Variants in DTWD2 observed in about 807,000 individuals in gnomAD.
DTWD2 encodes the protein tRNA-uridine aminocarboxypropyltransferase 2.
A neutral mutation model predicts 31.8 loss-of-function variants in DTWD2; 39 were observed. That is an observed-to-expected ratio of 1.22 (90% CI 0.95 to 1.60). DTWD2 has a LOEUF of 1.60. Among genes scored for constraint, DTWD2 ranks in the 40% most tolerant of loss-of-function variants. The pLI is 0.00. For missense variants in DTWD2, 515 were observed against 381.5 expected (o/e 1.35, Z -2.92); for synonymous variants, 180 against 142.8 (o/e 1.26, Z -1.86).
At chr5:118,851,330 G>T (rs1166354388) in intron 4 of DTWD2, among the ~76,000 whole-genome samples, 3 of 151,500 alleles carry the variant, frequency 2.0e-5, no homozygotes, top group African/African-American at 7.3e-5. Flanking sequence ...GAGAAATAAA[G>T]AGAAAGAGTA....
intron 1 of DTWD2, among the ~76,000 whole-genome samples, chr5:118,956,468 A>G (rs1754589652): frequency 6.6e-6 from 1 of 152,238 alleles, no homozygotes; most frequent in Non-Finnish European, 1.5e-5. Context: ...GCTGTAATAC[A>G]AAGGTAATGT....
At chr5:118,892,866 T>G (rs1029898436) in intron 4 of DTWD2, among the ~76,000 whole-genome samples, 1 of 152,114 alleles carries the variant, frequency 6.6e-6, no homozygotes. Context: ...GGGCAAACAT[T>G]AGAAACAATC....
chr5:118,912,572 T>C (rs1487079596), intron 4 of DTWD2, among the ~76,000 whole-genome samples: 1 of 152,212 alleles, frequency 6.6e-6, no homozygotes. Flanking sequence ...TGTTTTACTC[T>C]ACTGGAATGT....
At position 118,956,979 on chromosome 5, in the gene DTWD2, T is replaced by C. The variant is rs533693791; in HGVS notation, c.219-12330A>G. Reference sequence around the variant, plus strand: ...TAACGTGATCTGTAAGATAAAGTCATTGTCAGATTTCTGAAACTATATATC... The same window carrying C: ...TAACGTGATCTGTAAGATAAAGTCACTGTCAGATTTCTGAAACTATATATC... On this transcript the variant is annotated intron_variant, in intron 1 of 5. Transcript: ENST00000510708. Among the ~76,000 whole-genome samples the C allele has an allele frequency of 2.0e-5, 3 of 152,224 alleles. No individual in the cohort carries two copies. In the South Asian group the frequency reaches 6.2e-4, roughly 32 times the overall value.
At chr5:118,869,175 A>G (rs1752446984) in intron 4 of DTWD2, among the ~76,000 whole-genome samples, 1 of 152,164 alleles carries the variant, frequency 6.6e-6, no homozygotes, top group Non-Finnish European at 1.5e-5. Context: ...ATTCCACCGA[A>G]CTATATATTT....
chr5:118,921,235 T>C (rs955351306), intron 4 of DTWD2, among the ~76,000 whole-genome samples: 5 of 152,098 alleles, frequency 3.3e-5, no homozygotes, highest in Non-Finnish European at 7.4e-5. Context: ...AACAAAATTA[T>C]GAATAATATG....
chr5:118,927,282 A>G (rs1025219883), intron 4 of DTWD2, among the ~76,000 whole-genome samples: 2 of 152,212 alleles, frequency 1.3e-5, no homozygotes, highest in South Asian at 2.1e-4. Context: ...AGGGAACACA[A>G]TTCAGTCTAC....
chr5:118,980,383 C>T (rs1423061166), intron 1 of DTWD2, among the ~76,000 whole-genome samples: 1 of 152,180 alleles, frequency 6.6e-6, no homozygotes, highest in African/African-American at 2.4e-5. Context: ...GCTCATACTC[C>T]CTGTTGTGCC....
intron 3 of DTWD2, among the ~76,000 whole-genome samples, chr5:118,934,706 A>G (rs976487977): frequency 8.5e-5 from 13 of 152,158 alleles, no homozygotes; most frequent in African/African-American, 3.1e-4. Context: ...TATGGTATTC[A>G]CTGGTAATGT....
intron 1 of DTWD2, among the ~76,000 whole-genome samples, chr5:118,950,332 C>T (rs765375941): frequency 3.7e-4 from 56 of 151,202 alleles, no homozygotes; most frequent in African/African-American, 4.9e-4. Context: ...GCAAGGGAAA[C>T]GGTCCTTGAA....
intron 4 of DTWD2, among the ~76,000 whole-genome samples, chr5:118,871,227 C>G (rs935127441): frequency 2.0e-5 from 3 of 152,160 alleles, no homozygotes; most frequent in Admixed American, 6.6e-5. Context: ...TTGTTATTTT[C>G]ACTATATCTG....
At chr5:118,936,419 G>T (rs1246428286) in intron 3 of DTWD2, among the ~76,000 whole-genome samples, 1 of 151,736 alleles carries the variant, frequency 6.6e-6, no homozygotes, top group Non-Finnish European at 1.5e-5. Context: ...AGGCTACAGT[G>T]AGCTATGTGT....
intron 4 of DTWD2, among the ~76,000 whole-genome samples, chr5:118,868,393 A>C (rs1752427296): frequency 1.3e-5 from 2 of 152,162 alleles, no homozygotes; most frequent in African/African-American, 4.8e-5. Context: ...TACCGGCAAC[A>C]ACAACAAAAA....
chr5:118,905,715 A>G (rs1185240241), intron 4 of DTWD2, among the ~76,000 whole-genome samples: 2 of 152,112 alleles, frequency 1.3e-5, no homozygotes, highest in Admixed American at 6.6e-5. Flanking sequence ...TTGTCTTTGG[A>G]TAACTATATT....
intron 4 of DTWD2, among the ~76,000 whole-genome samples, chr5:118,850,605 G>A (rs958626679): frequency 6.6e-6 from 1 of 151,138 alleles, no homozygotes; most frequent in Admixed American, 6.6e-5. Flanking sequence ...TATCAACCTT[G>A]GCAAAGAATT....
chr5:118,838,334 G>C lies in DTWD2; in HGVS notation c.*2583C>G, dbSNP rs913183059. On this transcript the variant is annotated 3_prime_UTR_variant, in exon 6 of 6. Coordinates refer to ENST00000510708, the MANE Select transcript of DTWD2 (RefSeq NM_173666.4). Reference sequence around the variant, plus strand: ...ATCTACACAACATCAAAGTGCAGATGGGGTACACAAGTAAAACCTACTATC... The same window carrying C: ...ATCTACACAACATCAAAGTGCAGATCGGGTACACAAGTAAAACCTACTATC... 2.6e-5 allele frequency: 4 copies of C among 152,136 alleles called. No homozygotes were observed. The highest frequency in any genetic ancestry group is 5.9e-5 in the Non-Finnish European group (4 of 68,012). 9.4% of individuals were successfully genotyped at this position (152,136 alleles called of 1,614,324 possible).
chr5:118,882,896 A>G (rs1265773769), intron 4 of DTWD2, among the ~76,000 whole-genome samples: 1 of 152,002 alleles, frequency 6.6e-6, no homozygotes, highest in Non-Finnish European at 1.5e-5. Flanking sequence ...GCCTACTAAC[A>G]CTCAGCTCCT....
chr5:118,906,384 A>C (rs1753332763), intron 4 of DTWD2, among the ~76,000 whole-genome samples: 1 of 152,176 alleles, frequency 6.6e-6, no homozygotes, highest in Non-Finnish European at 1.5e-5. Flanking sequence ...GTCCACACAA[A>C]TACTTGCATA....
chr5:118,980,822 A>C (rs532683165), intron 1 of DTWD2, among the ~76,000 whole-genome samples: 89 of 152,342 alleles, frequency 5.8e-4, no homozygotes, highest in African/African-American at 2.0e-3. Context: ...AAAAACCACA[A>C]TTACTTTTGC....
Sources: allele counts gnomAD v4.1 joint callset (sites outside exome capture counted in the v4.1 genomes callset), GRCh38; gene constraint gnomAD v4.1.1; transcripts MANE v1.5; gene names NCBI Gene and HGNC (gene_info 2026-07-23, HGNC 2026-07-21).